Variants in NEBL observed in about 807,000 individuals in gnomAD.
The protein encoded by NEBL is nebulette.
NEBL carries 122 observed loss-of-function variants against 140.2 expected under a neutral mutation model. The observed-to-expected ratio is 0.87, with a 90% confidence interval of 0.75 to 1.01. NEBL has a LOEUF of 1.01. NEBL is among the 50% of genes least tolerant of loss of function. The pLI, the probability that NEBL is intolerant of heterozygous loss-of-function variation, is 0.00. For missense variants in NEBL, 1,365 were observed against 1,231.3 expected, an observed-to-expected ratio of 1.11 and a Z score of -1.62; for synonymous variants, 436 against 398.9, an observed-to-expected ratio of 1.09 and a Z score of -1.11.
intron 1 of NEBL, among the ~76,000 whole-genome samples, chr10:21,263,759 G>A (rs112999536): frequency 0.031 from 4,669 of 152,278 alleles, 240 homozygotes; most frequent in African/African-American, 0.11. Flanking sequence ...GAGGTCAGGA[G>A]TTCAAGACCA....
chr10:21,178,365 T>G (rs1320206782), upstream of NEBL, among the ~76,000 whole-genome samples: 1 of 152,170 alleles, frequency 6.6e-6, no homozygotes, highest in Admixed American at 6.5e-5. Context: ...GTGGGACTGA[T>G]AAGTAAGCAA....
chr10:20,941,625 G>GTTAA (rs1834873636), intron 4 of NEBL, among the ~76,000 whole-genome samples: 1 of 150,496 alleles, frequency 6.6e-6, no homozygotes, highest in South Asian at 2.1e-4. Flanking sequence ...ATTCAAGTAG[G>GTTAA]AAAAGAGGAA....
At chr10:21,202,740 C>T (rs1275215594) in intron 3 of NEBL, among the ~76,000 whole-genome samples, 1 of 152,142 alleles carries the variant, frequency 6.6e-6, no homozygotes, top group Non-Finnish European at 1.5e-5. Context: ...GGATTACAGG[C>T]GTGAGCCACC....
intron 2 of NEBL, among the ~76,000 whole-genome samples, chr10:21,144,134 C>T (rs980186674): frequency 2.6e-5 from 4 of 152,240 alleles, no homozygotes; most frequent in African/African-American, 9.6e-5. Context: ...AAAGGTGGCA[C>T]TGCCAAGGGG....
At chr10:21,000,440 A>C (rs977289631) in intron 3 of NEBL, among the ~76,000 whole-genome samples, 4 of 152,030 alleles carry the variant, frequency 2.6e-5, no homozygotes, top group Non-Finnish European at 4.4e-5. Flanking sequence ...TTTCCTGGCC[A>C]AACAAATTTA....
At chr10:20,852,486 C>T in intron 10 of NEBL, 59 bp downstream of exon 10, 1 of 1,169,030 alleles carries the variant, frequency 8.6e-7, no homozygotes, top group Middle Eastern at 2.0e-4. Flanking sequence ...AGCGGCGGGC[C>T]TCAGGATGGT....
intron 2 of NEBL, among the ~76,000 whole-genome samples, chr10:21,115,996 T>A (rs1255989993): frequency 1.3e-5 from 2 of 152,128 alleles, no homozygotes; most frequent in Non-Finnish European, 2.9e-5. Flanking sequence ...TCAAGTTTAC[T>A]AATGGTTGCT....
intron 2 of NEBL, among the ~76,000 whole-genome samples, chr10:21,056,869 G>A (rs2131866527): frequency 6.6e-6 from 1 of 152,282 alleles, no homozygotes; most frequent in Middle Eastern, 3.4e-3. Flanking sequence ...GGGAGGAGGT[G>A]TGGTCAGGGA....
intron 3 of NEBL, among the ~76,000 whole-genome samples, chr10:20,987,045 T>A (rs1837283541): frequency 6.6e-6 from 1 of 152,232 alleles, no homozygotes; most frequent in Admixed American, 6.5e-5. Context: ...ATTACATTTC[T>A]CAGGTATTTG....
chr10:21,291,397 T>G (rs998173755), intron 1 of NEBL, among the ~76,000 whole-genome samples: 9 of 150,726 alleles, frequency 6.0e-5, no homozygotes, highest in African/African-American at 2.2e-4. Context: ...TCCCAGCTAC[T>G]CAGGAGGCTG....
chr10:20,830,096 T>C (rs1249158491), intron 16 of NEBL, among the ~76,000 whole-genome samples: 2 of 152,174 alleles, frequency 1.3e-5, no homozygotes, highest in East Asian at 3.9e-4. Flanking sequence ...TTCAGGATCA[T>C]CCCAGCGGCT....
At chr10:20,937,187 A>C (rs1360225024) in intron 4 of NEBL, among the ~76,000 whole-genome samples, 1 of 152,178 alleles carries the variant, frequency 6.6e-6, no homozygotes, top group Non-Finnish European at 1.5e-5. Flanking sequence ...TTACATGTTA[A>C]TAAAATTCTT....
intron 2 of NEBL, among the ~76,000 whole-genome samples, chr10:21,056,540 A>G (rs947044147): frequency 5.9e-5 from 9 of 152,234 alleles, no homozygotes; most frequent in Non-Finnish European, 1.2e-4. Flanking sequence ...ACAAAATAGC[A>G]TCACATCCTA....
chr10:21,131,660 G>A (rs1273125087), intron 2 of NEBL, among the ~76,000 whole-genome samples: 1 of 123,774 alleles, frequency 8.1e-6, no homozygotes, highest in Admixed American at 7.6e-5. Flanking sequence ...AACCTCTGGT[G>A]TGTATGACAG....
chr10:20,831,817 A>G lies in NEBL; in HGVS notation c.1450-234T>C, dbSNP rs893322886. 2.0e-5 allele frequency among the ~76,000 whole-genome samples: 3 copies of G among 152,182 alleles called. No homozygotes were observed. The East Asian group carries it at 5.8e-4, about 29-fold the overall frequency. On this transcript the variant is annotated intron_variant, in intron 14 of 27. Coordinates refer to ENST00000377122, the MANE Select transcript of NEBL (RefSeq NM_006393.3). ...CAGCTAATCTGAATTAAGAAGAAGAAAAAACACAGCTAGCCAAGGGGAAAA... is the reference window on the plus strand; with the variant it reads ...CAGCTAATCTGAATTAAGAAGAAGAGAAAACACAGCTAGCCAAGGGGAAAA...
intron 3 of NEBL, among the ~76,000 whole-genome samples, chr10:21,189,700 C>T (rs777304022): frequency 6.6e-6 from 1 of 152,140 alleles, no homozygotes; most frequent in African/African-American, 2.4e-5. Flanking sequence ...ATCTCCTGAC[C>T]TCGTGATCTG....
intron 3 of NEBL, among the ~76,000 whole-genome samples, chr10:21,234,346 A>G (rs1442679477): frequency 6.6e-6 from 1 of 152,064 alleles, no homozygotes; most frequent in Non-Finnish European, 1.5e-5. Context: ...TGAGTTCACC[A>G]GAGAGCGGGT....
At chr10:20,959,101 G>T (rs1474036706) in intron 4 of NEBL, among the ~76,000 whole-genome samples, 1 of 152,106 alleles carries the variant, frequency 6.6e-6, no homozygotes, top group Non-Finnish European at 1.5e-5. Flanking sequence ...GAGATTAAAG[G>T]CAGCTAAGAA....
chr10:21,283,862 C>T (rs1245717304), intron 1 of NEBL, among the ~76,000 whole-genome samples: 1 of 151,750 alleles, frequency 6.6e-6, no homozygotes, highest in Non-Finnish European at 1.5e-5. Flanking sequence ...TATTTTAGGT[C>T]TTAGACTGCA....
Sources: gnomAD v4.1 joint callset for allele counts (sites outside exome capture counted in the v4.1 genomes callset) on GRCh38, gnomAD v4.1.1 for gene constraint, MANE v1.5 for transcripts, NCBI Gene and HGNC (gene_info 2026-07-23, HGNC 2026-07-21) for gene names.